The following WDR90 variants were observed in gnomAD, a reference collection of about 807,000 sequenced individuals.
WDR90 encodes WD repeat domain 90.
A neutral mutation model predicts 195.2 loss-of-function variants in WDR90; 238 were observed. The ratio of observed to expected loss-of-function variants is 1.22; its 90% confidence interval spans 1.10 to 1.36. WDR90 has a LOEUF of 1.36. Ranked by LOEUF, WDR90 falls within the 40% of genes most tolerant of loss-of-function variation. The pLI is 0.00. For missense variants in WDR90, 2,734 were observed against 2,439.5 expected, an observed-to-expected ratio of 1.12 and a Z score of -2.54; for synonymous variants, 1,265 against 1,052.4, an observed-to-expected ratio of 1.20 and a Z score of -3.91.
At chr16:649,326 ACCGTTGCCAGGCAG>A, upstream of WDR90, 3 of 1,298,550 alleles carry the variant, frequency 2.3e-6, no homozygotes, top group Non-Finnish European at 9.8e-7. Context: ...CGGAAGTGGC[ACCGTTGCCAGGCAG>A]CCGTTGCCTG....
chr16:667,131 G>A (rs1402123631), intron 40 of WDR90, 142 bp downstream of exon 40: 16 of 937,468 alleles, frequency 1.7e-5, no homozygotes, highest in Non-Finnish European at 2.4e-5. Context: ...GCCCTAGAGA[G>A]GGTCCTGGAG....
intron 34 of WDR90, chr16:663,567 C>G (rs1292274892): frequency 5.6e-6 from 1 of 178,796 alleles, no homozygotes; most frequent in South Asian, 1.1e-4. Flanking sequence ...GCTACTGGGT[C>G]AAGTTCTGCT....
chr16:661,507 T>C lies in WDR90; in HGVS notation c.3673+6T>C. On this transcript the variant is annotated splice_donor_region_variant and intron_variant, in intron 30 of 40. Transcript: ENST00000293879. ...CAGGCTTCTTGTCACACTGGGTCAG[T>C]GGGAGGGAGGGTGGAGGCCAGGGGC... is the stretch of plus-strand genomic sequence containing the variant. The C allele has an allele frequency of 1.3e-6, 2 of 1,597,580 alleles. No homozygotes were observed. The highest frequency in any genetic ancestry group is 1.7e-6 in the Non-Finnish European group (2 of 1,169,794).
chr16:665,910 C>T (rs984163269), intron 35 of WDR90, 40 bp from the exon 36 acceptor site: 4 of 1,563,422 alleles, frequency 2.6e-6, no homozygotes, highest in South Asian at 1.2e-5. Flanking sequence ...GTCCTCAGGG[C>T]CCCTGTGAGT....
chr16:659,325 G>A lies in WDR90; in HGVS notation c.3133G>A (p.Ala1045Thr). 1 of 1,598,522 alleles carries A rather than the reference G, an allele frequency of 6.3e-7. No homozygotes were observed. Among genetic ancestry groups the A allele is most frequent in the Non-Finnish European group, 8.5e-7 (1 of 1,173,436 alleles). The change falls in exon 26 of 41, where the codon GCA becomes ACA. Residue 1045 changes from alanine to threonine, a missense_variant. By Grantham distance (58) the Ala-to-Thr change is moderately conservative. Transcript: ENST00000293879. ...GCAGCAGGTCCCCAAGCCATGTCAG[G>A]CATCTCCACCACGGCTGGGCGTCTG... Reference protein sequence around the residue: ...PRQQVPKPCQASPPRLGVCAR... With the variant: ...PRQQVPKPCQTSPPRLGVCAR...
At chr16:660,803 C>T (rs1007080870) in intron 28 of WDR90, 89 bp downstream of exon 28, 2 of 1,371,018 alleles carry the variant, frequency 1.5e-6, no homozygotes, top group East Asian at 2.5e-5. Context: ...GACCTGGTGG[C>T]AAATGAGCGC....
At chr16:649,602 G>C (rs2037596547) in intron 1 of WDR90, 161 bp from the exon 2 acceptor site, 1 of 1,139,162 alleles carries the variant, frequency 8.8e-7, no homozygotes. Context: ...GGCTTCCCTC[G>C]GGCGCCCGGC....
At chr16:657,968 G>A (rs373371594) in intron 21 of WDR90, 76 bp downstream of exon 21, 8 of 1,476,734 alleles carry the variant, frequency 5.4e-6, no homozygotes, top group African/African-American at 2.8e-5. Context: ...GGGAGGTCAC[G>A]GCCACTCGGG....
At position 660,597 on chromosome 16, in the gene WDR90, T is replaced by C; in HGVS notation, c.3289-15T>C. The C allele has an allele frequency of 6.4e-7, 1 of 1,555,998 alleles. No individual in the cohort carries two copies. Among genetic ancestry groups the C allele is most frequent in the South Asian group, 1.2e-5 (1 of 84,468 alleles). ...ATGCTGGGCCCCAGCAGCATCCGGG[T>C]CTCCTTCCTCGCAGGGCACTTGCCC... On this transcript the variant is annotated splice_polypyrimidine_tract_variant and intron_variant, in intron 27 of 40. Coordinates refer to ENST00000293879, the MANE Select transcript of WDR90 (RefSeq NM_145294.5).
chr16:656,723 G>A lies in WDR90; in HGVS notation c.2203-9G>A. On this transcript the variant is annotated splice_polypyrimidine_tract_variant and intron_variant, in intron 18 of 40. Coordinates refer to ENST00000293879, the MANE Select transcript of WDR90 (RefSeq NM_145294.5). ...CTGCCCTCCCCTCAGCACGGCCCCT[G>A]TCCCACAGCTATACGACTTCACATC... 1 of 1,610,984 alleles carries A rather than the reference G, an allele frequency of 6.2e-7. No individual in the cohort carries two copies. The highest frequency in any genetic ancestry group is 8.5e-7 in the Non-Finnish European group (1 of 1,178,688).
intron 5 of WDR90, 81 bp from the exon 6 acceptor site, chr16:650,914 C>T (rs1046994071): frequency 2.8e-5 from 43 of 1,536,064 alleles, no homozygotes; most frequent in Admixed American, 2.0e-4. Context: ...GGGCTGGTGG[C>T]GTGGCAGTGC....
intron 25 of WDR90, 37 bp downstream of exon 25, chr16:659,163 G>C (rs770171442): frequency 1.2e-6 from 2 of 1,609,840 alleles, no homozygotes; most frequent in Non-Finnish European, 1.7e-6. Flanking sequence ...CAGGTGCTGC[G>C]CTGACTCTGG....
Position 650,524 on chromosome 16 carries a change from G to C in WDR90, c.389-15G>C, listed in dbSNP as rs1222316042. ...TCAGGAGGGTGGGCGCTGACCCTGAGTGCCCATCCTGCAGATCTGGTGGGT... is the reference window on the plus strand; with the variant it reads ...TCAGGAGGGTGGGCGCTGACCCTGACTGCCCATCCTGCAGATCTGGTGGGT... On this transcript the variant is annotated splice_polypyrimidine_tract_variant and intron_variant, in intron 4 of 40. Coordinates refer to ENST00000293879, the MANE Select transcript of WDR90 (RefSeq NM_145294.5). 1 of 1,594,810 alleles carries C rather than the reference G, an allele frequency of 6.3e-7. No homozygotes were observed. The highest frequency in any genetic ancestry group is 8.6e-7 in the Non-Finnish European group (1 of 1,166,120).
intron 20 of WDR90, 149 bp downstream of exon 20, chr16:657,370 A>G: frequency 2.4e-6 from 3 of 1,227,328 alleles, no homozygotes; most frequent in Non-Finnish European, 2.2e-6. Flanking sequence ...AACCTTGTCA[A>G]GGCCCTGAGG....
Position 655,587 on chromosome 16 carries a change from G to T in WDR90, c.1733G>T (p.Arg578Leu). 6.3e-7 allele frequency: 1 copy of T among 1,598,544 alleles called. No individual in the cohort carries two copies. Among genetic ancestry groups the T allele is most frequent in the Non-Finnish European group, 8.5e-7 (1 of 1,170,822 alleles). ...TCCTCGGGCAGCTTCGTGTGCAGCC[G>T]CAGTGGCCACATCTTGGAGATTGAC... is the stretch of plus-strand genomic sequence containing the variant. Reference protein sequence around the residue: ...PSAAMLFVCSRSGHILEIDCQ... With the variant: ...PSAAMLFVCSLSGHILEIDCQ... The change falls in exon 16 of 41, where the codon CGC (arginine) becomes CTC (leucine). Residue 578 changes from arginine to leucine, a missense_variant. Coordinates refer to ENST00000293879, the MANE Select transcript of WDR90 (RefSeq NM_145294.5).
In WDR90 at chr16:661,963, C is replaced by CT; in HGVS notation, c.3938dup (p.Leu1314AlafsTer28). On this transcript the variant is annotated frameshift_variant, in exon 32 of 41. Coordinates refer to ENST00000293879, the MANE Select transcript of WDR90 (RefSeq NM_145294.5). LOFTEE classifies it high-confidence loss of function. ...CTCGCTCTGCTACGGGGCACCTCCC[C>CT]TGCTCTATTGTGGCACCAGCTCTGG... 6.2e-7 allele frequency: 1 copy of CT among 1,607,134 alleles called. No homozygotes were observed. Among genetic ancestry groups the CT allele is most frequent in the South Asian group, 1.1e-5 (1 of 91,086 alleles).
In WDR90 at chr16:650,579, C is replaced by T. The variant is rs766373446; in HGVS notation, c.429C>T (p.Cys143=). The T allele has an allele frequency of 1.6e-5, 26 of 1,612,322 alleles. No homozygotes were observed. Among genetic ancestry groups the T allele is most frequent in the Non-Finnish European group, 2.0e-5 (24 of 1,179,658 alleles). The part of the protein sequence containing the change: ...GLAPSGARWT[C]LQLDLQDVLL... ...CCCCCTCCGGAGCCCGCTGGACCTGCCTGCAGCTCGATCTGCAGGACGTTC... is the reference window on the plus strand; with the variant it reads ...CCCCCTCCGGAGCCCGCTGGACCTGTCTGCAGCTCGATCTGCAGGACGTTC... The change falls in exon 5 of 41, where the codon TGC becomes TGT. Residue 143 remains cysteine (C), a synonymous_variant. Coordinates refer to ENST00000293879, the MANE Select transcript of WDR90 (RefSeq NM_145294.5).
intron 13 of WDR90, 123 bp downstream of exon 13, chr16:653,926 C>T: frequency 7.9e-7 from 1 of 1,264,294 alleles, no homozygotes; most frequent in Non-Finnish European, 1.1e-6. Flanking sequence ...TGTGTCCTCC[C>T]TGTGGTGGGG....
chr16:651,976 C>G lies in WDR90; in HGVS notation c.990C>G (p.Ala330=). ...CCTCTGACATCCACACGGCTGCTGC[C>G]GGCACCCACGTGTTGACTCACGAGT... is the stretch of plus-strand genomic sequence containing the variant. The part of the protein sequence containing the change: ...LEASDIHTAA[A]GTHVLTHESA... Residue 330 remains alanine (A), a synonymous_variant, in exon 9 of 41, where the codon GCC becomes GCG. Coordinates refer to ENST00000293879, the MANE Select transcript of WDR90 (RefSeq NM_145294.5). 3 of 1,606,858 alleles carry G rather than the reference C, an allele frequency of 1.9e-6. No individual in the cohort carries two copies. Among genetic ancestry groups the G allele is most frequent in the Non-Finnish European group, 2.5e-6 (3 of 1,177,782 alleles).
Sources: allele counts gnomAD v4.1 joint callset, GRCh38; gene constraint gnomAD v4.1.1; transcripts MANE v1.5; gene names NCBI Gene and HGNC (gene_info 2026-07-23, HGNC 2026-07-21).